Variants in RAD51B observed in about 807,000 individuals in gnomAD.
RAD51B encodes RAD51 paralog B, also known as DNA repair protein RAD51 homolog 2.
A neutral mutation model predicts 42.2 loss-of-function variants in RAD51B; 38 were observed. The observed-to-expected ratio is 0.90, with a 90% CI of 0.70 to 1.18. RAD51B has a LOEUF of 1.18. Ranked by LOEUF, RAD51B falls within the 50% of genes most tolerant of loss-of-function variation. The probability of loss-of-function intolerance (pLI) is 0.00; values close to 1 mark genes in which losing one functional copy is unlikely to be tolerated. For missense variants in RAD51B, 373 were observed against 400.7 expected, an observed-to-expected ratio of 0.93 and a Z score of 0.59; for synonymous variants, 154 against 145.2, an observed-to-expected ratio of 1.06 and a Z score of -0.43.
intron 7 of RAD51B, among the ~76,000 whole-genome samples, chr14:67,897,375 A>G (rs555755900): frequency 2.6e-5 from 4 of 152,310 alleles, no homozygotes; most frequent in African/African-American, 4.8e-5. Context: ...CAAAATATAT[A>G]AATAACTCCA....
intron 4 of RAD51B, among the ~76,000 whole-genome samples, chr14:67,860,228 T>C (rs1043829986): frequency 3.3e-5 from 5 of 152,230 alleles, no homozygotes; most frequent in Non-Finnish European, 7.4e-5. Context: ...GAGGATGCTA[T>C]ATATTTGAAG....
rs547674378 is a variant in RAD51B, at chr14:67,833,840, A to G, written c.199-1240A>G. On this transcript the variant is annotated intron_variant, in intron 3 of 10. Coordinates refer to ENST00000471583, the MANE Select transcript of RAD51B (RefSeq NM_133510.4). ...AGTACCAAAAGTTTTTATCCCCACT[A>G]CTATTACCTTCTTCTAGCTACCATT... Among the ~76,000 whole-genome samples the G allele has an allele frequency of 2.6e-5, 4 of 152,304 alleles. No homozygotes were observed. The South Asian group carries it at 8.3e-4, about 32-fold the overall frequency.
intron 7 of RAD51B, among the ~76,000 whole-genome samples, chr14:68,273,937 A>T (rs1182602034): frequency 6.6e-6 from 1 of 152,126 alleles, no homozygotes; most frequent in African/African-American, 2.4e-5. Flanking sequence ...TCTATTTTTC[A>T]TCAGAGTAAA....
chr14:68,112,770 A>G (rs1209391916), intron 7 of RAD51B, among the ~76,000 whole-genome samples: 1 of 152,150 alleles, frequency 6.6e-6, no homozygotes, highest in African/African-American at 2.4e-5. Flanking sequence ...AATACCTGCT[A>G]GATGCTTTTT....
chr14:68,093,208 G>A (rs1449366830), intron 7 of RAD51B, among the ~76,000 whole-genome samples: 3 of 151,838 alleles, frequency 2.0e-5, no homozygotes, highest in African/African-American at 7.3e-5. Flanking sequence ...GATGATGCTG[G>A]CCTCATAAAA....
intron 7 of RAD51B, among the ~76,000 whole-genome samples, chr14:68,095,463 TG>T (rs1378094150): frequency 1.3e-5 from 2 of 152,034 alleles, no homozygotes; most frequent in Non-Finnish European, 2.9e-5. Context: ...TTTATGGGTA[TG>T]AAAAAAAAAG....
chr14:68,467,553 C>T (rs2086015612), intron 9 of RAD51B, among the ~76,000 whole-genome samples: 3 of 152,354 alleles, frequency 2.0e-5, no homozygotes, highest in South Asian at 4.1e-4. Flanking sequence ...ACTAGAAATA[C>T]TTGAGGCTTT....
intron 7 of RAD51B, among the ~76,000 whole-genome samples, chr14:68,005,889 G>A (rs994837077): frequency 7.6e-4 from 115 of 152,314 alleles, no homozygotes; most frequent in African/African-American, 2.7e-3. Context: ...CATGGCAAAA[G>A]ACAAAGGGGA....
intron 8 of RAD51B, among the ~76,000 whole-genome samples, chr14:68,397,897 C>T (rs1289014794): frequency 6.6e-6 from 1 of 152,230 alleles, no homozygotes; most frequent in African/African-American, 2.4e-5. Flanking sequence ...CATTTTACTT[C>T]TTCCCCCACC....
At chr14:68,006,975 C>T (rs2075602136) in intron 7 of RAD51B, among the ~76,000 whole-genome samples, 1 of 152,128 alleles carries the variant, frequency 6.6e-6, no homozygotes, top group Admixed American at 6.6e-5. Context: ...CAGTATATAA[C>T]TCCAGAACAT....
intron 4 of RAD51B, among the ~76,000 whole-genome samples, chr14:67,856,155 T>G (rs899098353): frequency 6.6e-6 from 1 of 152,184 alleles, no homozygotes; most frequent in African/African-American, 2.4e-5. Context: ...CATTCCCTCC[T>G]GCTTTTTCTG....
intron 7 of RAD51B, among the ~76,000 whole-genome samples, chr14:68,078,899 G>A (rs1044450934): frequency 6.6e-6 from 1 of 152,064 alleles, no homozygotes; most frequent in Non-Finnish European, 1.5e-5. Flanking sequence ...TTGTGGTGGG[G>A]GAATTGCTTG....
intron 10 of RAD51B, among the ~76,000 whole-genome samples, chr14:68,570,931 C>T (rs1889672074): frequency 6.7e-6 from 1 of 149,526 alleles, no homozygotes; most frequent in South Asian, 2.1e-4. Flanking sequence ...ACACACACAT[C>T]AAATCACATA....
In RAD51B at chr14:68,388,076, G is replaced by GTATATATA. The variant is rs35161283; in HGVS notation, c.854-23347_854-23346insATATATAT. Among the ~76,000 whole-genome samples, 253 of 96,604 alleles carry GTATATATA rather than the reference G, an allele frequency of 2.6e-3. 1 individual carries two copies. Among genetic ancestry groups the GTATATATA allele is most frequent in the Non-Finnish European group, 4.7e-3 (214 of 45,880 alleles). The allele number at this position is 96,604 out of a possible 152,430, so 63.4% of individuals were successfully genotyped here. On this transcript the variant is annotated intron_variant, in intron 8 of 10. Transcript: ENST00000471583. ...GCATTGTGTGTGTGTGTGTGTGTGTGTGTATATATATATATATATTTTTTT... is the reference window on the plus strand; with the variant it reads ...GCATTGTGTGTGTGTGTGTGTGTGTGTATATATATGTATATATATATATATATTTTTTT...
chr14:68,583,124 A>G (rs549197405), intron 10 of RAD51B, among the ~76,000 whole-genome samples: 1 of 152,338 alleles, frequency 6.6e-6, no homozygotes, highest in African/African-American at 2.4e-5. Context: ...CGTTCTGCAC[A>G]TGTATCCCAG....
intron 8 of RAD51B, among the ~76,000 whole-genome samples, chr14:68,404,088 G>T (rs2084196337): frequency 6.6e-6 from 1 of 152,146 alleles, no homozygotes; most frequent in African/African-American, 2.4e-5. Flanking sequence ...GATTAGATTT[G>T]CTCTATGTAG....
At chr14:68,344,676 G>A (rs531269766) in intron 8 of RAD51B, among the ~76,000 whole-genome samples, 6 of 132,250 alleles carry the variant, frequency 4.5e-5, no homozygotes, top group African/African-American at 8.6e-5. Flanking sequence ...GCCTGGGTGC[G>A]GTGGCTCACG....
chr14:68,051,002 AAT>A (rs896013236), intron 7 of RAD51B, among the ~76,000 whole-genome samples: 2 of 151,546 alleles, frequency 1.3e-5, no homozygotes, highest in African/African-American at 2.4e-5. Flanking sequence ...GCAGATATTA[AAT>A]ATATATATAT....
At chr14:68,272,651 ATATATATATATATATTTTTTTTTT>A (rs2081133403) in intron 7 of RAD51B, among the ~76,000 whole-genome samples, 1 of 13,716 alleles carries the variant, frequency 7.3e-5, no homozygotes, top group African/African-American at 4.1e-4. Flanking sequence ...ATATATATAT[ATATATATATATATATTTTTTTTTT>A]TTTTTTTTTT....
Sources: gnomAD v4.1 joint callset for allele counts (sites outside exome capture counted in the v4.1 genomes callset) on GRCh38, gnomAD v4.1.1 for gene constraint, MANE v1.5 for transcripts, NCBI Gene and HGNC (gene_info 2026-07-23, HGNC 2026-07-21) for gene names.